TMTC2: variants seen among roughly 807,000 people sequenced by gnomAD.
The protein encoded by TMTC2 is transmembrane O-mannosyltransferase targeting cadherins 2.
A neutral mutation model predicts 82.4 loss-of-function variants in TMTC2; 43 were observed. The observed-to-expected ratio is 0.52, with a 90% confidence interval of 0.41 to 0.67. TMTC2 has a LOEUF of 0.67. Among genes scored for constraint, TMTC2 ranks in the 30% least tolerant of loss-of-function variants. The pLI, the probability that TMTC2 is intolerant of heterozygous loss-of-function variation, is 0.00. For synonymous variants in TMTC2, 408 were observed against 381.9 expected, an observed-to-expected ratio of 1.07 and a Z score of -0.80; for missense variants, 919 against 1,012.4, an observed-to-expected ratio of 0.91 and a Z score of 1.25.
intron 1 of TMTC2, among the ~76,000 whole-genome samples, chr12:82,736,885 A>G (rs960869890): frequency 6.6e-6 from 1 of 152,214 alleles, no homozygotes; most frequent in African/African-American, 2.4e-5. Flanking sequence ...TAGAGCTTTT[A>G]AGACATAGTA....
intron 8 of TMTC2, among the ~76,000 whole-genome samples, chr12:83,016,835 C>T (rs1186471982): frequency 1.3e-5 from 2 of 152,162 alleles, no homozygotes; most frequent in African/African-American, 2.4e-5. Context: ...CTCTGTGCCT[C>T]GCTTTCTTCT....
At position 83,134,219 on chromosome 12, in the gene TMTC2, C is replaced by T. The variant is rs892809780; in HGVS notation, c.*1830C>T. The T allele has an allele frequency of 1.3e-5, 2 of 151,068 alleles. No individual in the cohort carries two copies. Among genetic ancestry groups the T allele is most frequent in the African/African-American group, 4.9e-5 (2 of 40,916 alleles). 9.4% of individuals were successfully genotyped at this position (151,068 alleles called of 1,614,324 possible). On this transcript the variant is annotated 3_prime_UTR_variant, in exon 12 of 12. Coordinates refer to ENST00000321196, the MANE Select transcript of TMTC2 (RefSeq NM_152588.3). ...ACTGTGTTTTCAGAATGATATTTAACAACAAACCCGTGGTCAAACCAAAAT... is the reference window on the plus strand; with the variant it reads ...ACTGTGTTTTCAGAATGATATTTAATAACAAACCCGTGGTCAAACCAAAAT...
intron 7 of TMTC2, among the ~76,000 whole-genome samples, chr12:82,984,750 G>T (rs1043874224): frequency 6.6e-6 from 1 of 152,074 alleles, no homozygotes. Flanking sequence ...TACAATTGTT[G>T]CATCAGTTGA....
intron 4 of TMTC2, among the ~76,000 whole-genome samples, chr12:82,943,693 A>G (rs1876842672): frequency 6.6e-6 from 1 of 152,220 alleles, no homozygotes; most frequent in Non-Finnish European, 1.5e-5. Flanking sequence ...GAGCAATTCT[A>G]AAGTTCAGTC....
chr12:82,780,502 A>T (rs1877845712), intron 1 of TMTC2, among the ~76,000 whole-genome samples: 1 of 152,060 alleles, frequency 6.6e-6, no homozygotes, highest in South Asian at 2.1e-4. Context: ...AATGTATCAT[A>T]CCGATACCTT....
intron 1 of TMTC2, among the ~76,000 whole-genome samples, chr12:82,848,117 A>C (rs1342384776): frequency 1.3e-5 from 2 of 152,122 alleles, no homozygotes. Context: ...TGAGAGATTC[A>C]TGTCCAGCCA....
intron 1 of TMTC2, chr12:82,690,345 C>T: frequency 1.9e-5 from 19 of 985,082 alleles, no homozygotes; most frequent in Non-Finnish European, 2.3e-5. Flanking sequence ...AAGGAGAGGC[C>T]AGTGCCAGAA....
intron 3 of TMTC2, among the ~76,000 whole-genome samples, chr12:82,909,139 T>A (rs1874486923): frequency 6.6e-6 from 1 of 152,184 alleles, no homozygotes. Context: ...GTTTTTTAAA[T>A]TTTTTTGTTG....
intron 1 of TMTC2, among the ~76,000 whole-genome samples, chr12:82,843,916 C>G (rs1219916362): frequency 2.0e-5 from 3 of 152,150 alleles, no homozygotes; most frequent in African/African-American, 7.2e-5. Flanking sequence ...CCACTGCACT[C>G]CAGCCTGGGC....
intron 11 of TMTC2, among the ~76,000 whole-genome samples, chr12:83,077,880 C>CTTTT (rs751044763): frequency 0.05 from 4,648 of 92,778 alleles, 421 homozygotes; most frequent in African/African-American, 0.15. Flanking sequence ...GACAATCTGT[C>CTTTT]TTTTTTTTTT....
chr12:82,773,462 C>CCTTT (rs1555184194), intron 1 of TMTC2, among the ~76,000 whole-genome samples: 2 of 129,836 alleles, frequency 1.5e-5, no homozygotes. Flanking sequence ...AGTGATATTT[C>CCTTT]TTTTTTTTTT....
chr12:83,007,332 TA>T (rs1424380576), intron 8 of TMTC2, among the ~76,000 whole-genome samples: 1 of 152,220 alleles, frequency 6.6e-6, no homozygotes, highest in Non-Finnish European at 1.5e-5. Context: ...ACTTATCACT[TA>T]AACTTCAGTC....
chr12:82,996,476 A>G (rs115966898), intron 8 of TMTC2, among the ~76,000 whole-genome samples: 2,963 of 152,314 alleles, frequency 0.019, 105 homozygotes, highest in African/African-American at 0.067. Context: ...CAGGACTCTC[A>G]TTTGTACAAC....
chr12:82,693,829 A>C (rs1277745123), intron 1 of TMTC2, among the ~76,000 whole-genome samples: 2 of 152,132 alleles, frequency 1.3e-5, no homozygotes, highest in East Asian at 3.9e-4. Flanking sequence ...TTAGCCAGGC[A>C]TGGTGGCGGG....
intron 11 of TMTC2, among the ~76,000 whole-genome samples, chr12:83,087,207 C>T (rs1339127276): frequency 3.3e-5 from 5 of 152,182 alleles, no homozygotes; most frequent in Admixed American, 6.5e-5. Flanking sequence ...TCAGAAGCAA[C>T]TCCTCATCCA....
At chr12:82,702,365 G>A (rs983604743) in intron 1 of TMTC2, among the ~76,000 whole-genome samples, 1 of 152,114 alleles carries the variant, frequency 6.6e-6, no homozygotes. Flanking sequence ...GGTTCTTGTT[G>A]GATAGCAGCC....
chr12:83,099,617 T>G (rs1255858349), intron 11 of TMTC2, among the ~76,000 whole-genome samples: 1 of 152,178 alleles, frequency 6.6e-6, no homozygotes, highest in African/African-American at 2.4e-5. Context: ...GATGTTTATG[T>G]CTCCTGAGAT....
In TMTC2 at chr12:82,965,688, G is replaced by T; in HGVS notation, c.1813G>T (p.Val605Phe). Residue 605 changes from valine (V) to phenylalanine (F), a missense_variant, in exon 6 of 12, where the codon GTT becomes TTT. By Grantham distance (50) the Val-to-Phe change is conservative. Transcript: ENST00000321196. The part of the protein sequence containing the change: ...LKDPHAHKSS[V>F]TSCLYNLGKL... ...GGACCCTCATGCACACAAGAGCTCT[G>T]TTACCAGTTGTTTGTACAACCTAGG... is the stretch of plus-strand genomic sequence containing the variant. The T allele has an allele frequency of 6.2e-7, 1 of 1,613,838 alleles. No individual in the cohort carries two copies. The highest frequency in any genetic ancestry group is 8.5e-7 in the Non-Finnish European group (1 of 1,179,830).
chr12:82,945,011 T>A (rs541121200), intron 4 of TMTC2, among the ~76,000 whole-genome samples: 1 of 152,224 alleles, frequency 6.6e-6, no homozygotes, highest in Non-Finnish European at 1.5e-5. Flanking sequence ...CTTCAGTACC[T>A]CCTTAGTTCT....
Sources: allele counts gnomAD v4.1 joint callset (sites outside exome capture counted in the v4.1 genomes callset), GRCh38; gene constraint gnomAD v4.1.1; transcripts MANE v1.5; gene names NCBI Gene and HGNC (gene_info 2026-07-23, HGNC 2026-07-21).